Variants in CDYL2 observed in about 807,000 individuals in gnomAD.
CDYL2 encodes chromodomain Y like 2.
Under a neutral mutation model 49.4 loss-of-function variants are expected in CDYL2, and 23 were observed. The ratio of observed to expected loss-of-function variants is 0.47; its 90% CI spans 0.34 to 0.66. CDYL2 has a LOEUF of 0.66. Among genes scored for constraint, CDYL2 ranks in the 30% least tolerant of loss-of-function variants. CDYL2 has a pLI of 0.01. For missense variants in CDYL2, 678 were observed against 656.4 expected (o/e 1.03, Z -0.36); for synonymous variants, 360 against 268.8 (o/e 1.34, Z -3.32).
At chr16:80,648,774 T>C (rs747579131) in intron 2 of CDYL2, among the ~76,000 whole-genome samples, 4 of 151,686 alleles carry the variant, frequency 2.6e-5, no homozygotes, top group African/African-American at 4.8e-5. Context: ...GCAAACTGAA[T>C]TCAACAATAT....
In CDYL2 at chr16:80,633,013, C is replaced by G; in HGVS notation, c.834+6G>C. The G allele has an allele frequency of 1.9e-6, 3 of 1,612,492 alleles. No individual in the cohort carries two copies. Among genetic ancestry groups the G allele is most frequent in the East Asian group, 2.2e-5 (1 of 44,826 alleles). On this transcript the variant is annotated splice_donor_region_variant and intron_variant, in intron 3 of 6. Transcript: ENST00000570137. Reference sequence around the variant, plus strand: ...CTTGCCCTTCCCTCTGGCCGCCACCCCTTACCTCAGGTGTCAGGGCATTGT... The same window carrying G: ...CTTGCCCTTCCCTCTGGCCGCCACCGCTTACCTCAGGTGTCAGGGCATTGT...
At chr16:80,772,514 A>G (rs1022141004) in intron 1 of CDYL2, among the ~76,000 whole-genome samples, 1 of 152,168 alleles carries the variant, frequency 6.6e-6, no homozygotes, top group African/African-American at 2.4e-5. Flanking sequence ...ATGCAGTGGC[A>G]TGATCTCGGC....
intron 1 of CDYL2, among the ~76,000 whole-genome samples, chr16:80,709,154 T>C (rs1160461253): frequency 6.6e-6 from 1 of 152,028 alleles, no homozygotes; most frequent in East Asian, 1.9e-4. Flanking sequence ...GAGGCCGAGG[T>C]GGGCAGATCA....
chr16:80,634,709 T>C (rs1025115355), intron 2 of CDYL2, among the ~76,000 whole-genome samples: 1 of 152,156 alleles, frequency 6.6e-6, no homozygotes, highest in African/African-American at 2.4e-5. Context: ...CCCATGTATT[T>C]GATAACTTAG....
chr16:80,773,397 T>C (rs1906972120), intron 1 of CDYL2, among the ~76,000 whole-genome samples: 1 of 152,136 alleles, frequency 6.6e-6, no homozygotes, highest in South Asian at 2.1e-4. Flanking sequence ...TTTTCACACA[T>C]GCCTCTCAAT....
At chr16:80,706,442 T>C (rs1904406850) in intron 1 of CDYL2, among the ~76,000 whole-genome samples, 1 of 152,166 alleles carries the variant, frequency 6.6e-6, no homozygotes, top group Non-Finnish European at 1.5e-5. Context: ...ATCAAACTAT[T>C]TTTGCCTCTC....
intron 2 of CDYL2, among the ~76,000 whole-genome samples, chr16:80,645,583 C>T (rs1433242791): frequency 2.0e-5 from 3 of 152,138 alleles, no homozygotes; most frequent in African/African-American, 7.2e-5. Flanking sequence ...GTGGCGATTC[C>T]TCAAGGATCC....
rs140386537 is a variant in CDYL2 at position 80,780,066 on chromosome 16, T to C, written c.24+24084A>G. Among the ~76,000 whole-genome samples, 50 of 152,302 alleles carry C rather than the reference T, an allele frequency of 3.3e-4. No individual in the cohort carries two copies. The East Asian group carries it at 8.9e-3, about 27-fold the overall frequency. On this transcript the variant is annotated intron_variant, in intron 1 of 6. Transcript: ENST00000570137. ...CAAACCTCCAGTCCCAAACTTCATA[T>C]AATCTAAGGACCTGAAAACAATCTT...
At chr16:80,712,773 T>A (rs1342690758) in intron 1 of CDYL2, among the ~76,000 whole-genome samples, 1 of 152,124 alleles carries the variant, frequency 6.6e-6, no homozygotes, top group Non-Finnish European at 1.5e-5. Flanking sequence ...AAGGACTGTG[T>A]CCCAATGCCA....
chr16:80,619,439 A>G (rs1468460834), intron 4 of CDYL2, among the ~76,000 whole-genome samples: 1 of 152,236 alleles, frequency 6.6e-6, no homozygotes, highest in African/African-American at 2.4e-5. Flanking sequence ...CTGGAAATCC[A>G]GCTAACACCT....
At chr16:80,719,395 G>C (rs1904922352) in intron 1 of CDYL2, among the ~76,000 whole-genome samples, 1 of 152,168 alleles carries the variant, frequency 6.6e-6, no homozygotes, top group African/African-American at 2.4e-5. Context: ...TGTATTAAGT[G>C]AGTGCACTCA....
In CDYL2 at chr16:80,750,074, G is replaced by C. The variant is rs141493300; in HGVS notation, c.24+54076C>G. Among the ~76,000 whole-genome samples, 6 of 151,890 alleles carry C rather than the reference G, an allele frequency of 4.0e-5. No individual in the cohort carries two copies. In the East Asian group the frequency reaches 1.2e-3, roughly 29 times the overall value. ...CAGAGGAAGGGGAACATCACACACC[G>C]GGGCCTGTTGTGGGGTGGGGGGATG... is the stretch of plus-strand genomic sequence containing the variant. On this transcript the variant is annotated intron_variant, in intron 1 of 6. Transcript: ENST00000570137.
intron 2 of CDYL2, among the ~76,000 whole-genome samples, chr16:80,664,815 G>C (rs1053614436): frequency 2.0e-5 from 3 of 152,180 alleles, no homozygotes; most frequent in African/African-American, 7.2e-5. Flanking sequence ...ATATACCTCA[G>C]TTTCCATATC....
At chr16:80,760,282 C>A (rs1043425233) in intron 1 of CDYL2, among the ~76,000 whole-genome samples, 15 of 152,092 alleles carry the variant, frequency 9.9e-5, no homozygotes. Flanking sequence ...CTGCCTCTGG[C>A]TCATTAAAAA....
chr16:80,707,631 C>A (rs1567579153), intron 1 of CDYL2, among the ~76,000 whole-genome samples: 1 of 152,178 alleles, frequency 6.6e-6, no homozygotes, highest in Non-Finnish European at 1.5e-5. Context: ...CATCACCAAA[C>A]TCCAGATGCT....
chr16:80,772,111 C>A (rs1386784277), intron 1 of CDYL2, among the ~76,000 whole-genome samples: 1 of 152,154 alleles, frequency 6.6e-6, no homozygotes, highest in Non-Finnish European at 1.5e-5. Flanking sequence ...AAGGAAATAA[C>A]TGCAGTCCGA....
chr16:80,747,542 T>C (rs1220214161), intron 1 of CDYL2, among the ~76,000 whole-genome samples: 1 of 152,192 alleles, frequency 6.6e-6, no homozygotes, highest in African/African-American at 2.4e-5. Context: ...GTTACCAATG[T>C]TGTCGTGAAT....
chr16:80,628,893 C>G (rs1026433231), intron 3 of CDYL2, among the ~76,000 whole-genome samples: 3 of 152,096 alleles, frequency 2.0e-5, no homozygotes, highest in African/African-American at 7.2e-5. Flanking sequence ...TACATGTAGA[C>G]TAACAACTGT....
chr16:80,788,212 T>C (rs1907497459), intron 1 of CDYL2, among the ~76,000 whole-genome samples: 1 of 152,184 alleles, frequency 6.6e-6, no homozygotes, highest in African/African-American at 2.4e-5. Context: ...ACTGCTAAAG[T>C]TGAGTAAAAG....
Sources: gnomAD v4.1 joint callset for allele counts (sites outside exome capture counted in the v4.1 genomes callset) on GRCh38, gnomAD v4.1.1 for gene constraint, MANE v1.5 for transcripts, NCBI Gene and HGNC (gene_info 2026-07-23, HGNC 2026-07-21) for gene names.